TLN2: variants seen among roughly 807,000 people sequenced by gnomAD.
TLN2 encodes the protein talin 2.
In TLN2, 118 loss-of-function variants were observed where a neutral mutation model predicts 294.7. That is an observed-to-expected ratio of 0.40 (90% confidence interval 0.34 to 0.47). TLN2 has a LOEUF of 0.47. Ranked by LOEUF, TLN2 falls within the 20% of genes least tolerant of loss-of-function variation. The pLI is 0.84. For synonymous variants in TLN2, 1,431 were observed against 1,304.5 expected, an observed-to-expected ratio of 1.10 and a Z score of -2.09; for missense variants, 3,083 against 3,282.2, an observed-to-expected ratio of 0.94 and a Z score of 1.48.
chr15:62,588,965 A>G lies in TLN2; in HGVS notation c.-237-722A>G, dbSNP rs181624774. On this transcript the variant is annotated intron_variant, in intron 1 of 58. Coordinates refer to ENST00000636159, the MANE Select transcript of TLN2 (RefSeq NM_015059.3). ...AGAGAGATGTAGAGTTTTCTTTCCT[A>G]AATGCTAAACAACACCATTTGTTAA... 4.6e-3 allele frequency among the ~76,000 whole-genome samples: 697 copies of G among 151,834 alleles called. 2 individuals are homozygous for G. Among genetic ancestry groups the G allele is most frequent in the Non-Finnish European group, 8.6e-3 (583 of 67,900 alleles).
intron 11 of TLN2, among the ~76,000 whole-genome samples, chr15:62,685,957 G>A (rs536119905): frequency 5.9e-5 from 9 of 152,054 alleles, no homozygotes; most frequent in Non-Finnish European, 1.0e-4. Flanking sequence ...TGTCACCCAA[G>A]GATCACAAAA....
At chr15:62,615,930 T>G (rs985277289) in intron 2 of TLN2, among the ~76,000 whole-genome samples, 3 of 152,128 alleles carry the variant, frequency 2.0e-5, no homozygotes, top group South Asian at 2.1e-4. Context: ...TTTGGATTTG[T>G]ATTTGGAGGA....
intron 1 of TLN2, among the ~76,000 whole-genome samples, chr15:62,443,644 T>C (rs1330739351): frequency 3.9e-5 from 6 of 152,212 alleles, no homozygotes; most frequent in Admixed American, 3.9e-4. Flanking sequence ...CATTCCTCCC[T>C]CATTTTCCCT....
intron 1 of TLN2, among the ~76,000 whole-genome samples, chr15:62,586,092 A>G (rs1269302915): frequency 2.0e-5 from 3 of 152,190 alleles, no homozygotes; most frequent in African/African-American, 2.4e-5. Flanking sequence ...CCTTTCTCTT[A>G]ACTGCTGTGC....
At chr15:62,566,034 A>C (rs1204972899) in intron 1 of TLN2, among the ~76,000 whole-genome samples, 1 of 151,852 alleles carries the variant, frequency 6.6e-6, no homozygotes, top group African/African-American at 2.4e-5. Flanking sequence ...AACCCATGTA[A>C]ACTCTCAAGC....
intron 1 of TLN2, among the ~76,000 whole-genome samples, chr15:62,452,463 G>A (rs949288971): frequency 3.3e-5 from 5 of 152,148 alleles, no homozygotes; most frequent in Non-Finnish European, 7.3e-5. Context: ...AACATAACAC[G>A]AAATTTACTA....
At chr15:62,616,527 C>T (rs147561721) in intron 2 of TLN2, among the ~76,000 whole-genome samples, 222 of 152,334 alleles carry the variant, frequency 1.5e-3, no homozygotes, top group African/African-American at 5.1e-3. Context: ...CTCCTCGCCT[C>T]AAGTGATCCT....
chr15:62,839,033 TATAACAGAGACAAAAGAATA>T (rs1219468708), intron 58 of TLN2, 52 bp downstream of exon 58: 1 of 1,570,006 alleles, frequency 6.4e-7, no homozygotes, highest in Non-Finnish European at 8.6e-7. Context: ...GGTGTTGGGT[TATAACAGAGACAAAAGAATA>T]GTGACTTCAA....
intron 1 of TLN2, among the ~76,000 whole-genome samples, chr15:62,536,573 G>A (rs761112543): frequency 6.6e-6 from 1 of 152,180 alleles, no homozygotes; most frequent in Non-Finnish European, 1.5e-5. Flanking sequence ...CAGCACGTGT[G>A]TTTTGTCTGT....
intron 1 of TLN2, among the ~76,000 whole-genome samples, chr15:62,405,509 A>G (rs1245042155): frequency 6.6e-6 from 1 of 152,234 alleles, no homozygotes; most frequent in Non-Finnish European, 1.5e-5. Context: ...ATGCATACAG[A>G]AAGGGCTTTT....
chr15:62,780,059 C>T (rs572240429), intron 43 of TLN2, among the ~76,000 whole-genome samples: 2 of 152,170 alleles, frequency 1.3e-5, no homozygotes, highest in Non-Finnish European at 2.9e-5. Context: ...CATTGCTTAC[C>T]CCAGATCCCA....
intron 1 of TLN2, among the ~76,000 whole-genome samples, chr15:62,560,163 A>C (rs1206727117): frequency 6.6e-6 from 1 of 152,232 alleles, no homozygotes; most frequent in Non-Finnish European, 1.5e-5. Context: ...GGCAGACCAC[A>C]AAACACATCT....
chr15:62,702,920 C>T, intron 19 of TLN2, 56 bp downstream of exon 19: 2 of 1,478,510 alleles, frequency 1.4e-6, no homozygotes, highest in South Asian at 2.3e-5. Context: ...TGGTCTAGAC[C>T]CGAGCAGGCA....
chr15:62,806,208 G>T (rs1222686101), intron 51 of TLN2, among the ~76,000 whole-genome samples: 1 of 151,918 alleles, frequency 6.6e-6, no homozygotes, highest in African/African-American at 2.4e-5. Flanking sequence ...AAAAAAAAAT[G>T]CACGCTGAAT....
rs558418939 is a variant in TLN2, at chr15:62,800,257, T to C, written c.6235-111T>C. On this transcript the variant is annotated intron_variant, in intron 48 of 58. Coordinates refer to ENST00000636159, the MANE Select transcript of TLN2 (RefSeq NM_015059.3). ...GTCTGCCATGCTGCAGACTTCAGAC[T>C]GTCTTTCTCTCCTCCCCCGTGCCCT... 12 of 1,493,960 alleles carry C rather than the reference T, an allele frequency of 8.0e-6. 1 individual carries two copies. The East Asian group carries it at 2.0e-4, about 26-fold the overall frequency. The allele number at this position is 1,493,960 out of a possible 1,614,324, so 92.5% of individuals were successfully genotyped here.
intron 1 of TLN2, among the ~76,000 whole-genome samples, chr15:62,545,170 C>T (rs2140533295): frequency 6.6e-6 from 1 of 152,026 alleles, no homozygotes; most frequent in South Asian, 2.1e-4. Flanking sequence ...AATCTCCTGA[C>T]CTCATGATCT....
chr15:62,686,958 G>A (rs2057339278), intron 12 of TLN2, among the ~76,000 whole-genome samples, 162 bp downstream of exon 12: 1 of 152,208 alleles, frequency 6.6e-6, no homozygotes, highest in Admixed American at 6.5e-5. Context: ...AAGGGGATGG[G>A]TCCAGAAGTA....
chr15:62,713,315 C>G (rs1272747978), intron 22 of TLN2, among the ~76,000 whole-genome samples: 1 of 150,948 alleles, frequency 6.6e-6, no homozygotes, highest in Non-Finnish European at 1.5e-5. Context: ...TTAAGTGTCT[C>G]CACATCTTAC....
chr15:62,590,834 T>C (rs756087979), intron 2 of TLN2, among the ~76,000 whole-genome samples: 43 of 152,176 alleles, frequency 2.8e-4, no homozygotes, highest in Non-Finnish European at 4.0e-4. Context: ...TCAGTTCTGT[T>C]CCTGACCAGC....
Sources: gnomAD v4.1 joint callset for allele counts (sites outside exome capture counted in the v4.1 genomes callset) on GRCh38, gnomAD v4.1.1 for gene constraint, MANE v1.5 for transcripts, NCBI Gene and HGNC (gene_info 2026-07-23, HGNC 2026-07-21) for gene names.